Variants in TMEM38A observed in about 807,000 individuals in gnomAD.
TMEM38A encodes trimeric intracellular cation channel type A.
TMEM38A carries 17 observed loss-of-function variants against 28.6 expected under a neutral mutation model. The observed-to-expected ratio is 0.60, with a 90% CI of 0.41 to 0.89. The LOEUF (loss-of-function observed/expected upper bound fraction) is 0.89, where lower values mean the gene tolerates loss of function less well. Among genes scored for constraint, TMEM38A ranks in the 40% least tolerant of loss-of-function variants. The pLI is 0.00. For missense variants in TMEM38A, 328 were observed against 393.1 expected (o/e 0.83, Z 1.40); for synonymous variants, 169 against 166.1 (o/e 1.02, Z -0.14).
At chr19:16,686,528 G>A (rs1202009729) in intron 5 of TMEM38A, 123 bp downstream of exon 5, 2 of 744,878 alleles carry the variant, frequency 2.7e-6, no homozygotes, top group East Asian at 2.7e-5. Flanking sequence ...GCCCAGAGAG[G>A]GGAGATGCTT....
chr19:16,677,793 A>G (rs1320452044), intron 1 of TMEM38A, among the ~76,000 whole-genome samples: 1 of 152,162 alleles, frequency 6.6e-6, no homozygotes, highest in Non-Finnish European at 1.5e-5. Flanking sequence ...CCCAGGCTCA[A>G]GTGATCTACG....
chr19:16,688,112 C>T (rs769783236), intron 5 of TMEM38A, 32 bp from the exon 6 acceptor site: 25 of 1,406,692 alleles, frequency 1.8e-5, no homozygotes, highest in Non-Finnish European at 2.3e-5. Context: ...CCCTCTGTCT[C>T]TCTTGCTGTC....
intron 1 of TMEM38A, among the ~76,000 whole-genome samples, chr19:16,665,959 C>T (rs1023768260): frequency 1.3e-5 from 2 of 151,840 alleles, no homozygotes; most frequent in African/African-American, 4.8e-5. Flanking sequence ...CAAGCATCCA[C>T]CACCACACCC....
chr19:16,679,863 C>CT, intron 1 of TMEM38A, 121 bp from the exon 2 acceptor site: 1 of 1,104,738 alleles, frequency 9.1e-7, no homozygotes, highest in East Asian at 2.7e-5. Flanking sequence ...TCCTCTGAAA[C>CT]TTACAAACTG....
At chr19:16,671,722 G>A (rs748817178) in intron 1 of TMEM38A, among the ~76,000 whole-genome samples, 2 of 152,204 alleles carry the variant, frequency 1.3e-5, no homozygotes, top group Non-Finnish European at 2.9e-5. Flanking sequence ...GAGCCACCGC[G>A]CCCAGCCGGC....
intron 1 of TMEM38A, among the ~76,000 whole-genome samples, chr19:16,669,021 G>A (rs2086715406): frequency 6.6e-6 from 1 of 151,552 alleles, no homozygotes; most frequent in Admixed American, 6.6e-5. Flanking sequence ...GTAGAGATGG[G>A]GTTTCTCCAT....
intron 1 of TMEM38A, among the ~76,000 whole-genome samples, chr19:16,678,365 G>A (rs1452010745): frequency 1.3e-5 from 2 of 148,786 alleles, no homozygotes; most frequent in Non-Finnish European, 3.0e-5. Context: ...GGAGGAGGAG[G>A]TTGCAGTGAG....
chr19:16,676,035 C>A (rs941868554), intron 1 of TMEM38A, among the ~76,000 whole-genome samples: 3 of 152,166 alleles, frequency 2.0e-5, no homozygotes, highest in African/African-American at 7.2e-5. Flanking sequence ...CTGATTATTT[C>A]TTTTGCTTAG....
At position 16,682,092 on chromosome 19, in the gene TMEM38A, G is replaced by A. The variant is rs182115587; in HGVS notation, c.467-329G>A. 4.6e-4 allele frequency among the ~76,000 whole-genome samples: 70 copies of A among 152,268 alleles called. 1 individual carries two copies. The East Asian group carries it at 0.011, about 24-fold the overall frequency. On this transcript the variant is annotated intron_variant, in intron 3 of 5. Transcript: ENST00000187762. ...AGGAGGAGAGAGACTGCGGGTGGGG[G>A]CTGCCTTGGAAGCCTCATACACAGC...
rs79605357 is a variant in TMEM38A, at chr19:16,666,966, A to G, written c.124+5625A>G. Among the ~76,000 whole-genome samples the G allele has an allele frequency of 6.6e-5, 10 of 150,436 alleles. 1 individual carries two copies. Among genetic ancestry groups the G allele is most frequent in the African/African-American group, 2.4e-4 (10 of 40,916 alleles). On this transcript the variant is annotated intron_variant, in intron 1 of 5. Transcript: ENST00000187762. ...AAACTCCATCTCAAAAAAAAAAAAA[A>G]GAAAAGAAATGCAGAGTTCTGGCCA...
intron 1 of TMEM38A, among the ~76,000 whole-genome samples, chr19:16,679,252 C>CGTGTGTGTGTGT (rs35543309): frequency 9.3e-5 from 12 of 128,390 alleles, no homozygotes; most frequent in East Asian, 2.3e-4. Flanking sequence ...TCTTTTGTTT[C>CGTGTGTGTGTGT]GTGTGTGTGT....
chr19:16,684,909 C>T (rs1395557350), intron 4 of TMEM38A, among the ~76,000 whole-genome samples: 1 of 151,232 alleles, frequency 6.6e-6, no homozygotes, highest in Non-Finnish European at 1.5e-5. Context: ...ATTAAGCAGG[C>T]ACAGTGGCAC....
rs1382386576 is a variant in TMEM38A at position 16,661,860 on chromosome 19, C to T, written c.124+519C>T. On this transcript the variant is annotated intron_variant, in intron 1 of 5. Transcript: ENST00000187762. The surrounding 1 kb of genome is among the most constrained non-coding windows in gnomAD (Gnocchi z 6.5). ...CTGCAACTGCCCAGCACCCTCCACTCCCCTCCCTTCCCCCACGGTGCTGAA... is the reference window on the plus strand; with the variant it reads ...CTGCAACTGCCCAGCACCCTCCACTTCCCTCCCTTCCCCCACGGTGCTGAA... 6.6e-6 allele frequency among the ~76,000 whole-genome samples: 1 copy of T among 152,060 alleles called. No individual in the cohort carries two copies. Among genetic ancestry groups the T allele is most frequent in the Non-Finnish European group, 1.5e-5 (1 of 68,018 alleles).
chr19:16,684,245 A>G (rs2086792896), intron 4 of TMEM38A, among the ~76,000 whole-genome samples: 1 of 151,804 alleles, frequency 6.6e-6, no homozygotes, highest in African/African-American at 2.4e-5. Context: ...AAGCTGAGGT[A>G]GGGGGATTGC....
chr19:16,674,899 A>G (rs2086743614), intron 1 of TMEM38A, among the ~76,000 whole-genome samples: 2 of 152,282 alleles, frequency 1.3e-5, no homozygotes, highest in South Asian at 4.1e-4. Context: ...AATGTGTCCA[A>G]CACAGCCCCC....
Position 16,667,255 on chromosome 19 carries a change from G to A in TMEM38A, c.124+5914G>A, listed in dbSNP as rs145411606. Among the ~76,000 whole-genome samples the A allele has an allele frequency of 8.3e-3, 1,251 of 150,722 alleles. 16 individuals are homozygous for A. Among genetic ancestry groups the A allele is most frequent in the African/African-American group, 0.028 (1,125 of 40,534 alleles). On this transcript the variant is annotated intron_variant, in intron 1 of 5. Coordinates refer to ENST00000187762, the MANE Select transcript of TMEM38A (RefSeq NM_024074.4). Reference sequence around the variant, plus strand: ...TTGCACTCCAGCCTGGGCAACAAGAGCCAAGAGTGAAACTCCATTTCAGGA... The same window carrying A: ...TTGCACTCCAGCCTGGGCAACAAGAACCAAGAGTGAAACTCCATTTCAGGA...
Position 16,680,251 on chromosome 19 carries a change from G to C in TMEM38A, c.281+111G>C, listed in dbSNP as rs2086775787. ...AGAATGCACCAGCAACAGCCCTCAT[G>C]ATGGCCCTGAATATGCTGCCCTCCA... is the stretch of plus-strand genomic sequence containing the variant. On this transcript the variant is annotated intron_variant, in intron 2 of 5. Coordinates refer to ENST00000187762, the MANE Select transcript of TMEM38A (RefSeq NM_024074.4). 5 of 1,498,884 alleles carry C rather than the reference G, an allele frequency of 3.3e-6. No homozygotes were observed. In the South Asian group the frequency reaches 4.9e-5, roughly 15 times the overall value. 92.8% of individuals were successfully genotyped at this position (1,498,884 alleles called of 1,614,324 possible). A position where few individuals can be genotyped will look rare whatever the true frequency, so the allele number is the denominator to read the frequency against.
intron 4 of TMEM38A, among the ~76,000 whole-genome samples, chr19:16,685,120 C>T (rs2086796669): frequency 6.6e-6 from 1 of 151,262 alleles, no homozygotes. Flanking sequence ...GGCGTGGTAG[C>T]TCATGCCTGT....
chr19:16,678,386 G>A (rs905951725), intron 1 of TMEM38A, among the ~76,000 whole-genome samples: 9 of 137,806 alleles, frequency 6.5e-5, no homozygotes, highest in African/African-American at 1.7e-4. Flanking sequence ...CCGAGATCGC[G>A]CCACCGCGCT....
Sources: allele counts gnomAD v4.1 joint callset (sites outside exome capture counted in the v4.1 genomes callset), GRCh38; gene constraint gnomAD v4.1.1; non-coding constraint Gnocchi (gnomAD v3.1); transcripts MANE v1.5; gene names NCBI Gene and HGNC (gene_info 2026-07-23, HGNC 2026-07-21).